SECISBP2: variants seen among roughly 807,000 people sequenced by gnomAD.
SECISBP2 encodes selenocysteine insertion sequence-binding protein 2.
Under a neutral mutation model 98.2 loss-of-function variants are expected in SECISBP2, and 96 were observed. That is an observed-to-expected ratio of 0.98 (90% confidence interval 0.83 to 1.16). The LOEUF (loss-of-function observed/expected upper bound fraction) is 1.16. SECISBP2 is among the 50% of genes most tolerant of loss of function. The pLI is 0.00. For synonymous variants in SECISBP2, 407 were observed against 370.2 expected, an observed-to-expected ratio of 1.10 and a Z score of -1.14; for missense variants, 1,046 against 1,022.9, an observed-to-expected ratio of 1.02 and a Z score of -0.31.
Position 89,325,583 on chromosome 9 carries a change from T to C in SECISBP2, c.339T>C (p.Tyr113=). ...VYSVPGSQYL[Y]NQPSCYRGFQ... ...CAGTGCCTGGCTCCCAGTATCTTTA[T>C]AACCAACCCAGTTGTTACCGAGGTT... Residue 113 remains tyrosine, a synonymous_variant, in exon 3 of 17, where the codon TAT becomes TAC. Transcript: ENST00000375807. The C allele has an allele frequency of 1.2e-6, 2 of 1,614,190 alleles. No individual in the cohort carries two copies. The highest frequency in any genetic ancestry group is 1.7e-6 in the Non-Finnish European group (2 of 1,180,016).
Position 89,358,098 on chromosome 9 carries a change from C to T in SECISBP2, c.2368C>T (p.Pro790Ser). 2 of 1,613,806 alleles carry T rather than the reference C, an allele frequency of 1.2e-6. No individual in the cohort carries two copies. The highest frequency in any genetic ancestry group is 1.7e-5 in the Admixed American group (1 of 60,012). Residue 790 changes from proline (P) to serine (S), a missense_variant, in exon 16 of 17, where the codon CCT becomes TCT. Transcript: ENST00000375807. ...VQQELVGEPR[P>S]QAPPSLPTQG... is the part of the protein sequence containing the mutation. The stretch of plus-strand genomic sequence containing the variant: ...GCAGGAGCTGGTGGGAGAGCCCAGG[C>T]CTCAGGCACCTCCCAGCCTACCCAC...
intron 2 of SECISBP2, chr9:89,322,627 G>C (rs1826004865): frequency 6.6e-6 from 1 of 152,230 alleles, no homozygotes; most frequent in Admixed American, 6.5e-5. Flanking sequence ...CCAATATACT[G>C]TGAAAATTTT....
downstream of SECISBP2, chr9:89,363,696 A>G (rs770667312): frequency 6.3e-7 from 1 of 1,598,738 alleles, no homozygotes. Flanking sequence ...AAATAGTGAA[A>G]AATTACCTCA....
At chr9:89,360,792 A>G (rs1036494207), downstream of SECISBP2, 1 of 152,250 alleles carries the variant, frequency 6.6e-6, no homozygotes, top group African/African-American at 2.4e-5. Context: ...TTAACTGAAC[A>G]ATGTACAACT....
In SECISBP2 at chr9:89,359,320, GA is replaced by G. The variant is rs1381283234; in HGVS notation, c.*499del. 1.9e-5 allele frequency: 3 copies of G among 159,480 alleles called. No homozygotes were observed. The highest frequency in any genetic ancestry group is 4.8e-5 in the African/African-American group (2 of 41,506). 9.9% of individuals were successfully genotyped at this position (159,480 alleles called of 1,614,324 possible). On this transcript the variant is annotated 3_prime_UTR_variant, in exon 17 of 17. Coordinates refer to ENST00000375807, the MANE Select transcript of SECISBP2 (RefSeq NM_024077.5). Reference sequence around the variant, plus strand: ...GGTGTCAGAGCAAGAGGGCTACAGGGAAAGGGCCCTTTCTCAGGGGATGTAG... The same window carrying G: ...GGTGTCAGAGCAAGAGGGCTACAGGGAAGGGCCCTTTCTCAGGGGATGTAG...
Position 89,325,518 on chromosome 9 carries a change from T to G in SECISBP2, c.274T>G (p.Tyr92Asp), listed in dbSNP as rs771373162. 1.2e-6 allele frequency: 2 copies of G among 1,614,026 alleles called. No individual in the cohort carries two copies. The highest frequency in any genetic ancestry group is 2.7e-5 in the African/African-American group (2 of 74,942). Residue 92 changes from tyrosine to aspartate, a missense_variant, in exon 3 of 17, where the codon TAT becomes GAT. Transcript: ENST00000375807. Reference sequence around the variant, plus strand: ...TGAGATAACTCTTCATCCATATGCCTATTCTCCTTATACCCTTGACTCCAC... The same window carrying G: ...TGAGATAACTCTTCATCCATATGCCGATTCTCCTTATACCCTTGACTCCAC... ...SSEITLHPYA[Y>D]SPYTLDSTQN...
Position 89,357,579 on chromosome 9 carries a change from G to A in SECISBP2, c.2268+14G>A. Reference sequence around the variant, plus strand: ...GATGGGGCCCAGGTGAGTGCACAGGGCACAGGCCTCTTCAGTCACTGCCCG... The same window carrying A: ...GATGGGGCCCAGGTGAGTGCACAGGACACAGGCCTCTTCAGTCACTGCCCG... On this transcript the variant is annotated intron_variant, in intron 15 of 16. Transcript: ENST00000375807. The A allele has an allele frequency of 1.2e-6, 2 of 1,612,626 alleles. No homozygotes were observed. The highest frequency in any genetic ancestry group is 1.7e-6 in the Non-Finnish European group (2 of 1,179,898).
intron 14 of SECISBP2, among the ~76,000 whole-genome samples, chr9:89,351,256 T>C (rs1031751480): frequency 3.3e-5 from 5 of 152,258 alleles, no homozygotes; most frequent in African/African-American, 9.6e-5. Context: ...CAGTCTGTGG[T>C]TGACTCATCT....
intron 7 of SECISBP2, 57 bp from the exon 8 acceptor site, chr9:89,338,401 A>G: frequency 6.3e-7 from 1 of 1,593,970 alleles, no homozygotes; most frequent in Non-Finnish European, 8.6e-7. Context: ...ACATAGTATT[A>G]AACATTCTAT....
At chr9:89,322,962 A>G (rs1260636404) in intron 2 of SECISBP2, 1 of 152,184 alleles carries the variant, frequency 6.6e-6, no homozygotes, top group Non-Finnish European at 1.5e-5. Context: ...TTTTGGAAAG[A>G]TTTTTAAAGA....
chr9:89,357,615 TG>T (rs757166062), intron 15 of SECISBP2, 50 bp downstream of exon 15: 2 of 1,608,866 alleles, frequency 1.2e-6, no homozygotes, highest in South Asian at 1.1e-5. Context: ...TGGGAGGAAG[TG>T]GGGGCAGGTG....
chr9:89,356,904 C>A, intron 14 of SECISBP2: 1 of 202,812 alleles, frequency 4.9e-6, no homozygotes, highest in Non-Finnish European at 1.0e-5. Context: ...CCAGGTGCAT[C>A]ACCTGCACAT....
intron 2 of SECISBP2, chr9:89,324,795 C>G (rs946559204): frequency 6.5e-6 from 1 of 153,162 alleles, no homozygotes; most frequent in Admixed American, 6.5e-5. Flanking sequence ...AACCTGTAGC[C>G]TTGTATCAAA....
the SECISBP2 span, chr9:89,365,074 TACTG>T: frequency 6.6e-6 from 1 of 152,320 alleles, no homozygotes; most frequent in African/African-American, 2.4e-5. Context: ...TCCCTGTTCT[TACTG>T]AAGGAAAAAC....
rs1477949406 is a variant in SECISBP2, at chr9:89,358,018, T to C, written c.2288T>C (p.Val763Ala). 1.2e-6 allele frequency: 2 copies of C among 1,613,120 alleles called. No individual in the cohort carries two copies. Among genetic ancestry groups the C allele is most frequent in the Non-Finnish European group, 1.7e-6 (2 of 1,180,002 alleles). The change falls in exon 16 of 17, where the codon GTT becomes GCT. Residue 763 changes from valine to alanine, a missense_variant. Val to Ala is a moderately conservative substitution (Grantham distance 64, BLOSUM62 0). Transcript: ENST00000375807. ...CCCAAGGATCAGTTCCACAAGATGGTTGAGCTGACAGTGGCGGCCCGACAG... is the reference window on the plus strand; with the variant it reads ...CCCAAGGATCAGTTCCACAAGATGGCTGAGCTGACAGTGGCGGCCCGACAG... ...DGAQDQFHKMVELTVAARQAY... is the reference protein window; with the variant it reads ...DGAQDQFHKMAELTVAARQAY...
chr9:89,326,069 G>A (rs573507686), intron 4 of SECISBP2, 31 bp downstream of exon 4: 93 of 1,605,614 alleles, frequency 5.8e-5, no homozygotes, highest in Middle Eastern at 3.3e-4. Context: ...AGTATAATGC[G>A]AGCCTACTCC....
At chr9:89,344,626 C>T (rs900904390) in intron 10 of SECISBP2, among the ~76,000 whole-genome samples, 2 of 152,144 alleles carry the variant, frequency 1.3e-5, no homozygotes, top group African/African-American at 4.8e-5. Context: ...TCCTCCTTTA[C>T]TGCCTTTGGT....
At chr9:89,357,945 AC>A in intron 15 of SECISBP2, 53 bp from the exon 16 acceptor site, 1 of 1,592,522 alleles carries the variant, frequency 6.3e-7, no homozygotes, top group Non-Finnish European at 8.6e-7. Flanking sequence ...AGTTTGAGGG[AC>A]CCGTGTCCTC....
At chr9:89,361,529 A>C (rs548922966), downstream of SECISBP2, 1 of 152,264 alleles carries the variant, frequency 6.6e-6, no homozygotes, top group African/African-American at 2.4e-5. Context: ...ACAGTGACAC[A>C]GTCTTCAGAG....
Sources: gnomAD v4.1 joint callset for allele counts (sites outside exome capture counted in the v4.1 genomes callset) on GRCh38, gnomAD v4.1.1 for gene constraint, MANE v1.5 for transcripts, NCBI Gene and HGNC (gene_info 2026-07-23, HGNC 2026-07-21) for gene names.